TBC1D2B: variants seen among roughly 807,000 people sequenced by gnomAD.
TBC1D2B encodes TBC1 domain family, member 2B.
In TBC1D2B, 64 loss-of-function variants were observed where a neutral mutation model predicts 100.8. The observed-to-expected ratio is 0.64, with a 90% confidence interval of 0.52 to 0.78. The LOEUF is 0.78. TBC1D2B is among the 30% of genes least tolerant of loss of function. The probability of loss-of-function intolerance (pLI) is 0.00; values close to 1 mark genes in which losing one functional copy is unlikely to be tolerated. For synonymous variants in TBC1D2B, 480 were observed against 479.7 expected (o/e 1.00, Z -0.01); for missense variants, 1,052 against 1,218.4 (o/e 0.86, Z 2.03).
intron 3 of TBC1D2B, among the ~76,000 whole-genome samples, chr15:78,038,336 G>A (rs1388429927): frequency 6.6e-6 from 1 of 152,260 alleles, no homozygotes; most frequent in Non-Finnish European, 1.5e-5. Flanking sequence ...GCAGTGAGGA[G>A]TGGGAGGAAC....
intron 1 of TBC1D2B, among the ~76,000 whole-genome samples, chr15:78,066,327 G>A (rs1207485169): frequency 1.3e-5 from 2 of 152,154 alleles, no homozygotes; most frequent in African/African-American, 4.8e-5. Context: ...CTTCACCCAA[G>A]CAGTTTAGTT....
At chr15:78,004,292 A>T (rs555763817) in intron 10 of TBC1D2B, among the ~76,000 whole-genome samples, 37 of 152,346 alleles carry the variant, frequency 2.4e-4, no homozygotes, top group African/African-American at 8.7e-4. Context: ...GGACCATCCT[A>T]ACCATGGCCA....
In TBC1D2B at chr15:78,024,235, C is replaced by G; in HGVS notation, c.1391G>C (p.Gly464Ala). ...IIKLSEGEGN[G>A]PPPTVAPSSP... Reference sequence around the variant, plus strand: ...GCTGGGCGCCACGGTGGGAGGAGGCCCGTTGCCCTCGCCCTCGCTGAGCTT... The same window carrying G: ...GCTGGGCGCCACGGTGGGAGGAGGCGCGTTGCCCTCGCCCTCGCTGAGCTT... The change falls in exon 6 of 13, where the codon GGG becomes GCG. Residue 464 changes from glycine to alanine, a missense_variant. Gly to Ala is a moderately conservative substitution (Grantham distance 60, BLOSUM62 0). Transcript: ENST00000300584. The G allele has an allele frequency of 6.2e-7, 1 of 1,613,928 alleles. No homozygotes were observed.
chr15:78,037,281 ACTTC>A (rs375809814), intron 3 of TBC1D2B, among the ~76,000 whole-genome samples: 39 of 152,100 alleles, frequency 2.6e-4, no homozygotes, highest in Non-Finnish European at 4.6e-4. Flanking sequence ...CCCTGTTCTG[ACTTC>A]CTTGCCTCTG....
chr15:78,058,647 C>T (rs111912423), intron 1 of TBC1D2B, among the ~76,000 whole-genome samples: 2 of 152,210 alleles, frequency 1.3e-5, no homozygotes, highest in Non-Finnish European at 2.9e-5. Flanking sequence ...CAGAAGCTAA[C>T]GGCCAGGACC....
intron 12 of TBC1D2B, among the ~76,000 whole-genome samples, chr15:78,000,642 G>A (rs1268611691): frequency 6.6e-6 from 1 of 152,232 alleles, no homozygotes; most frequent in Non-Finnish European, 1.5e-5. Flanking sequence ...CCTCCAGGAA[G>A]CCTGGCATGG....
At chr15:78,054,246 A>C in intron 1 of TBC1D2B, 59 bp from the exon 2 acceptor site, 1 of 1,530,482 alleles carries the variant, frequency 6.5e-7, no homozygotes, top group South Asian at 1.2e-5. Context: ...GAGCTTAAAA[A>C]ATATTATGTC....
chr15:78,034,820 G>GC, intron 3 of TBC1D2B: 1 of 871,820 alleles, frequency 1.1e-6, no homozygotes, highest in Non-Finnish European at 1.4e-6. Flanking sequence ...TCCTGTTTTT[G>GC]CTCTTATGTG....
At chr15:78,062,841 G>A (rs182158130) in intron 1 of TBC1D2B, among the ~76,000 whole-genome samples, 321 of 152,208 alleles carry the variant, frequency 2.1e-3, no homozygotes, top group African/African-American at 7.5e-3. Context: ...TTTAACCCTC[G>A]TAACTAACTC....
chr15:78,066,233 A>G (rs1398987114), intron 1 of TBC1D2B: 1 of 345,486 alleles, frequency 2.9e-6, no homozygotes, highest in African/African-American at 2.1e-5. Flanking sequence ...CCTCTGCAGC[A>G]TAGAAACTCA....
chr15:78,052,269 G>A (rs763953321), intron 2 of TBC1D2B, among the ~76,000 whole-genome samples: 22 of 152,254 alleles, frequency 1.4e-4, no homozygotes, highest in Non-Finnish European at 2.9e-4. Context: ...CTTCCTCAGA[G>A]AGGCCCTAAC....
chr15:78,018,531 GA>G (rs2072433906), intron 6 of TBC1D2B, among the ~76,000 whole-genome samples: 1 of 152,206 alleles, frequency 6.6e-6, no homozygotes, highest in African/African-American at 2.4e-5. Context: ...AAAGTTGAAA[GA>G]AAAGTACAAT....
chr15:78,027,146 G>A (rs1294595290), intron 4 of TBC1D2B, among the ~76,000 whole-genome samples: 1 of 152,128 alleles, frequency 6.6e-6, no homozygotes, highest in Non-Finnish European at 1.5e-5. Context: ...AGACACAAGG[G>A]AGCATATAAG....
At chr15:78,018,046 CCAAT>C in intron 6 of TBC1D2B, 89 bp from the exon 7 acceptor site, 2 of 649,848 alleles carry the variant, frequency 3.1e-6, no homozygotes, top group Admixed American at 3.2e-5. Flanking sequence ...TGCTGCTTCA[CCAAT>C]CAAATAGCCC....
At chr15:78,019,031 C>G (rs2072446566) in intron 6 of TBC1D2B, among the ~76,000 whole-genome samples, 2 of 152,032 alleles carry the variant, frequency 1.3e-5, no homozygotes, top group Non-Finnish European at 2.9e-5. Context: ...CAAGACAGCT[C>G]AAACGGCAGG....
chr15:78,001,564 G>C, intron 12 of TBC1D2B, 55 bp downstream of exon 12: 1 of 1,553,844 alleles, frequency 6.4e-7, no homozygotes, highest in Non-Finnish European at 8.7e-7. Context: ...CTCTCAAGGA[G>C]GCAGGGGTCA....
In TBC1D2B at chr15:78,053,220, A is replaced by C. The variant is rs1444227885; in HGVS notation, c.514+814T>G. On this transcript the variant is annotated intron_variant, in intron 2 of 12. Transcript: ENST00000300584. ...CTGAGCAGAGGGTCCCACGGGTTTT[A>C]GGAAGTGAAGAAATCTCTTTATGAA... is the stretch of plus-strand genomic sequence containing the variant. 2.0e-5 allele frequency among the ~76,000 whole-genome samples: 3 copies of C among 152,230 alleles called. No individual in the cohort carries two copies. In the East Asian group the frequency reaches 5.8e-4, roughly 29 times the overall value.
intron 11 of TBC1D2B, 147 bp from the exon 12 acceptor site, chr15:78,001,887 G>T: frequency 1.1e-6 from 1 of 875,604 alleles, no homozygotes; most frequent in Non-Finnish European, 1.6e-6. Context: ...TTGACCTGAG[G>T]GGCAATTTTC....
At chr15:78,004,061 G>A (rs754314916) in intron 10 of TBC1D2B, among the ~76,000 whole-genome samples, 7 of 152,102 alleles carry the variant, frequency 4.6e-5, no homozygotes, top group Non-Finnish European at 1.0e-4. Context: ...TGCTCTAAAC[G>A]GCTCTGTGCC....
Sources: allele counts gnomAD v4.1 joint callset (sites outside exome capture counted in the v4.1 genomes callset), GRCh38; gene constraint gnomAD v4.1.1; transcripts MANE v1.5; gene names NCBI Gene and HGNC (gene_info 2026-07-23, HGNC 2026-07-21).